The following FSCN1 variants were observed in gnomAD, a reference collection of about 807,000 sequenced individuals.
FSCN1 encodes the protein fascin.
Under a neutral mutation model 39.7 loss-of-function variants are expected in FSCN1, and 10 were observed. The ratio of observed to expected loss-of-function variants is 0.25; its 90% CI spans 0.16 to 0.43. FSCN1 has a LOEUF of 0.43. FSCN1 is among the 20% of genes least tolerant of loss of function. FSCN1 has a pLI of 1.00. For missense variants in FSCN1, 525 were observed against 723.8 expected, an observed-to-expected ratio of 0.73 and a Z score of 3.15; for synonymous variants, 322 against 320.0, an observed-to-expected ratio of 1.01 and a Z score of -0.07.
intron 1 of FSCN1, among the ~76,000 whole-genome samples, chr7:5,600,079 G>T (rs188270417): frequency 1.6e-4 from 24 of 152,294 alleles, no homozygotes; most frequent in Non-Finnish European, 2.9e-4. Context: ...TTAGCTGGAG[G>T]AATCCATGTG....
In FSCN1 at chr7:5,606,085, G is replaced by A. The variant is rs1785928252; in HGVS notation, c.*611G>A. ...TCAGCCTGGCTCCCTTCCCTGGAGC[G>A]GCAGGGCGTGACGGCCACAGGGTCT... On this transcript the variant is annotated 3_prime_UTR_variant, in exon 5 of 5. Coordinates refer to ENST00000382361, the MANE Select transcript of FSCN1 (RefSeq NM_003088.4). This position sits in a 1 kb window ranked among gnomAD's most constrained non-coding sequence, Gnocchi z 5.1. The A allele has an allele frequency of 1.3e-5, 2 of 152,264 alleles. No homozygotes were observed. Among genetic ancestry groups the A allele is most frequent in the Admixed American group, 1.3e-4 (2 of 15,294 alleles). 9.4% of individuals were successfully genotyped at this position (152,264 alleles called of 1,614,324 possible). A position where few individuals can be genotyped will look rare whatever the true frequency, so the allele number is the denominator to read the frequency against.
At chr7:5,597,684 C>CAA (rs535461013) in intron 1 of FSCN1, among the ~76,000 whole-genome samples, 1 of 139,972 alleles carries the variant, frequency 7.1e-6, no homozygotes, top group African/African-American at 2.6e-5. Flanking sequence ...CAAAACAAAA[C>CAA]AAAAAAAACA....
Position 5,592,836 on chromosome 7 carries a change from C to T in FSCN1, c.-101C>T, listed in dbSNP as rs1160912083. The T allele has an allele frequency of 7.5e-6, 5 of 665,172 alleles. No individual in the cohort carries two copies. The highest frequency in any genetic ancestry group is 3.0e-5 in the East Asian group (1 of 33,494). 41.2% of individuals were successfully genotyped at this position (665,172 alleles called of 1,614,324 possible). A position where few individuals can be genotyped will look rare whatever the true frequency, so the allele number is the denominator to read the frequency against. Reference sequence around the variant, plus strand: ...GCTTTGTGGAGCGCTGCGGAGGGTGCGTGCGGGCCGCGGCAGCCGAACAAA... The same window carrying T: ...GCTTTGTGGAGCGCTGCGGAGGGTGTGTGCGGGCCGCGGCAGCCGAACAAA... On this transcript the variant is annotated 5_prime_UTR_variant, in exon 1 of 5. Coordinates refer to ENST00000382361, the MANE Select transcript of FSCN1 (RefSeq NM_003088.4). The surrounding 1 kb of genome is among the most constrained non-coding windows in gnomAD (Gnocchi z 5.3).
At chr7:5,596,745 A>C (rs560111625) in intron 1 of FSCN1, among the ~76,000 whole-genome samples, 1 of 152,348 alleles carries the variant, frequency 6.6e-6, no homozygotes, top group East Asian at 1.9e-4. Context: ...GGGCTCGTCA[A>C]GCTGGGCTTT....
chr7:5,603,671 G>C lies in FSCN1; in HGVS notation c.1111+54G>C. ...CCGTCCTGGAGTCCTGGAGGGTCTG[G>C]CCATGCCGTGGTCACTTGGTAGCCC... On this transcript the variant is annotated intron_variant, in intron 3 of 4. Coordinates refer to ENST00000382361, the MANE Select transcript of FSCN1 (RefSeq NM_003088.4). The surrounding 1 kb of genome is among the most constrained non-coding windows in gnomAD (Gnocchi z 8.5). 6.2e-7 allele frequency: 1 copy of C among 1,610,416 alleles called. No homozygotes were observed. The highest frequency in any genetic ancestry group is 8.5e-7 in the Non-Finnish European group (1 of 1,177,906).
At chr7:5,593,854 G>C in intron 1 of FSCN1, 86 bp downstream of exon 1, 1 of 945,436 alleles carries the variant, frequency 1.1e-6, no homozygotes, top group South Asian at 1.7e-5. Context: ...GCCCTTTCTC[G>C]CTCGCGGCGC....
rs1785913021 is a variant in FSCN1 at position 5,605,255 on chromosome 7, T to TA, written c.1280-14dup. The TA allele has an allele frequency of 6.2e-7, 1 of 1,604,420 alleles. No individual in the cohort carries two copies. The highest frequency in any genetic ancestry group is 1.7e-5 in the Admixed American group (1 of 59,926). On this transcript the variant is annotated splice_polypyrimidine_tract_variant and intron_variant, in intron 4 of 4. Coordinates refer to ENST00000382361, the MANE Select transcript of FSCN1 (RefSeq NM_003088.4). The surrounding 1 kb of genome is among the most constrained non-coding windows in gnomAD (Gnocchi z 6.9). ...GAGCCAGGCTTTGGGCCCCACTTGA[T>TA]AAAGTCCCCTCCCCAGACTCCACAG...
In FSCN1 at chr7:5,605,756, C is replaced by T; in HGVS notation, c.*282C>T. The T allele has an allele frequency of 7.3e-6, 3 of 411,192 alleles. No individual in the cohort carries two copies. The highest frequency in any genetic ancestry group is 1.3e-5 in the Non-Finnish European group (3 of 227,496). The allele number at this position is 411,192 out of a possible 1,614,324, so 25.5% of individuals were successfully genotyped here. A position where few individuals can be genotyped will look rare whatever the true frequency, so the allele number is the denominator to read the frequency against. On this transcript the variant is annotated 3_prime_UTR_variant, in exon 5 of 5. Coordinates refer to ENST00000382361, the MANE Select transcript of FSCN1 (RefSeq NM_003088.4). The surrounding 1 kb of genome is among the most constrained non-coding windows in gnomAD (Gnocchi z 6.9). ...CTTGTCTGCCACGGGGCGAGTCTGG[C>T]ACCTCTTTCTTCTGACCTCAGACGG... is the stretch of plus-strand genomic sequence containing the variant.
At chr7:5,604,913 AGGTGTGAGC>A (rs1449472521) in intron 4 of FSCN1, among the ~76,000 whole-genome samples, 1 of 152,016 alleles carries the variant, frequency 6.6e-6, no homozygotes, top group Non-Finnish European at 1.5e-5. Flanking sequence ...CTGGGTTTAT[AGGTGTGAGC>A]CACCACACCC....
In FSCN1 at chr7:5,599,061, A is replaced by C. The variant is rs1425457667; in HGVS notation, c.833-4196A>C. On this transcript the variant is annotated intron_variant, in intron 1 of 4. Coordinates refer to ENST00000382361, the MANE Select transcript of FSCN1 (RefSeq NM_003088.4). This position sits in a 1 kb window ranked among gnomAD's most constrained non-coding sequence, Gnocchi z 5.6. ...GGGCCTCTTGGCTGGTGGAGGGCTG[A>C]GTGAGCAGAGGCCCCAGCCCTCGTG... is the stretch of plus-strand genomic sequence containing the variant. Among the ~76,000 whole-genome samples the C allele has an allele frequency of 2.6e-5, 4 of 151,806 alleles. No homozygotes were observed. Among genetic ancestry groups the C allele is most frequent in the Admixed American group, 2.0e-4 (3 of 15,262 alleles).
rs145895988 is a variant in FSCN1, at chr7:5,597,523, C to T, written c.832+3755C>T. Among the ~76,000 whole-genome samples, 560 of 151,908 alleles carry T rather than the reference C, an allele frequency of 3.7e-3. 5 individuals are homozygous for T. Among genetic ancestry groups the T allele is most frequent in the African/African-American group, 0.013 (533 of 41,432 alleles). ...CTCTACTAAAAACACAAAAATTAGC[C>T]GGGCGTGGTGGCGCATGCCTGTAAT... On this transcript the variant is annotated intron_variant, in intron 1 of 4. Coordinates refer to ENST00000382361, the MANE Select transcript of FSCN1 (RefSeq NM_003088.4).
rs1247093526 is a variant in FSCN1 at position 5,606,156 on chromosome 7, G to GTGTGGGGGCCGTCTTCCTCC, written c.*686_*705dup. Reference sequence around the variant, plus strand: ...AGGTGGTGGTGGCGGGCGGGTAGGGGTGTGGGGGCCGTCTTCCTCCTGTCT... The same window carrying GTGTGGGGGCCGTCTTCCTCC: ...AGGTGGTGGTGGCGGGCGGGTAGGGGTGTGGGGGCCGTCTTCCTCCTGTGGGGGCCGTCTTCCTCCTGTCT... On this transcript the variant is annotated 3_prime_UTR_variant, in exon 5 of 5. Transcript: ENST00000382361. This position sits in a 1 kb window ranked among gnomAD's most constrained non-coding sequence, Gnocchi z 5.1. 1 of 152,208 alleles carries GTGTGGGGGCCGTCTTCCTCC rather than the reference G, an allele frequency of 6.6e-6. No individual in the cohort carries two copies. The highest frequency in any genetic ancestry group is 6.5e-5 in the Admixed American group (1 of 15,290). The allele number at this position is 152,208 out of a possible 1,614,324, so 9.4% of individuals were successfully genotyped here. A position where few individuals can be genotyped will look rare whatever the true frequency, so the allele number is the denominator to read the frequency against.
chr7:5,604,400 G>A (rs1473353200), intron 4 of FSCN1, among the ~76,000 whole-genome samples: 2 of 152,046 alleles, frequency 1.3e-5, no homozygotes, highest in Non-Finnish European at 2.9e-5. Flanking sequence ...GACGCGCCTC[G>A]GTTATGGGAC....
chr7:5,594,394 C>A (rs1785692522), intron 1 of FSCN1, among the ~76,000 whole-genome samples: 1 of 152,098 alleles, frequency 6.6e-6, no homozygotes, highest in Admixed American at 6.5e-5. Flanking sequence ...CCCTTCCCCC[C>A]AGCCCCTCCT....
rs1436297567 is a variant in FSCN1, at chr7:5,605,133, T to C, written c.1280-139T>C. On this transcript the variant is annotated intron_variant, in intron 4 of 4. Transcript: ENST00000382361. The surrounding 1 kb of genome is among the most constrained non-coding windows in gnomAD (Gnocchi z 6.9). ...CATGGACAGGAGGACGTGCGGGCCA[T>C]AGGGACCCTGGCTCATTCCGGAGCC... 16 of 653,224 alleles carry C rather than the reference T, an allele frequency of 2.4e-5. No homozygotes were observed. The highest frequency in any genetic ancestry group is 4.1e-5 in the Non-Finnish European group (15 of 363,430). 40.5% of individuals were successfully genotyped at this position (653,224 alleles called of 1,614,324 possible).
chr7:5,595,250 C>A (rs948986196), intron 1 of FSCN1, among the ~76,000 whole-genome samples: 3 of 152,116 alleles, frequency 2.0e-5, no homozygotes, highest in Non-Finnish European at 4.4e-5. Flanking sequence ...GGGGTAATGG[C>A]CATTTTGTGC....
intron 1 of FSCN1, among the ~76,000 whole-genome samples, chr7:5,595,879 A>G (rs1349627174): frequency 6.6e-6 from 1 of 152,076 alleles, no homozygotes; most frequent in Non-Finnish European, 1.5e-5. Context: ...GTTTTTGGCG[A>G]GCCTGGGCAG....
At chr7:5,602,662 T>G (rs565533500) in intron 1 of FSCN1, among the ~76,000 whole-genome samples, 1 of 152,304 alleles carries the variant, frequency 6.6e-6, no homozygotes, top group African/African-American at 2.4e-5. Context: ...CCCTCCTGAT[T>G]GGCTCAAGAA....
chr7:5,594,499 A>C (rs1040208207), intron 1 of FSCN1: 1 of 152,184 alleles, frequency 6.6e-6, no homozygotes, highest in Non-Finnish European at 1.5e-5. Context: ...GTCCTGCTCC[A>C]TCTCTGCAGA....
Sources: allele counts gnomAD v4.1 joint callset (sites outside exome capture counted in the v4.1 genomes callset), GRCh38; gene constraint gnomAD v4.1.1; non-coding constraint Gnocchi (gnomAD v3.1); transcripts MANE v1.5; gene names NCBI Gene and HGNC (gene_info 2026-07-23, HGNC 2026-07-21).